Variants in GRK5 observed in about 807,000 individuals in gnomAD.
GRK5 encodes the protein g protein-coupled receptor kinase GRK5.
Under a neutral mutation model 78.4 loss-of-function variants are expected in GRK5, and 40 were observed. That is an observed-to-expected ratio of 0.51 (90% CI 0.40 to 0.66). The LOEUF (loss-of-function observed/expected upper bound fraction) is 0.66, where lower values mean the gene tolerates loss of function less well. Among genes scored for constraint, GRK5 ranks in the 30% least tolerant of loss-of-function variants. GRK5 has a pLI of 0.00. For missense variants in GRK5, 598 were observed against 759.9 expected (o/e 0.79, Z 2.50); for synonymous variants, 289 against 296.8 (o/e 0.97, Z 0.27).
intron 8 of GRK5, 94 bp from the exon 9 acceptor site, chr10:119,436,557 C>A: frequency 7.9e-7 from 1 of 1,260,254 alleles, no homozygotes. Flanking sequence ...CTCCTCTGTT[C>A]CCTCACACCC....
chr10:119,376,561 CTTTTT>C (rs3064490), intron 2 of GRK5, among the ~76,000 whole-genome samples: 5 of 104,362 alleles, frequency 4.8e-5, no homozygotes, highest in African/African-American at 1.9e-4. Context: ...TCCCTAATGC[CTTTTT>C]TTTTTTTTTT....
chr10:119,407,649 A>G (rs1241010940), intron 4 of GRK5, among the ~76,000 whole-genome samples: 1 of 152,228 alleles, frequency 6.6e-6, no homozygotes, highest in East Asian at 1.9e-4. Context: ...CTTCATGACT[A>G]TCCTATGTAG....
chr10:119,375,677 A>G (rs1851611521), intron 2 of GRK5, among the ~76,000 whole-genome samples: 1 of 152,238 alleles, frequency 6.6e-6, no homozygotes, highest in Non-Finnish European at 1.5e-5. Context: ...GTTCTGTCTG[A>G]GCGCAAGGCT....
In GRK5 at chr10:119,431,361, A is replaced by C. The variant is rs1310700425; in HGVS notation, c.598-26A>C. ...GGCAGGCCTCCACGGTGCTCCTGCCACCCTGGTTTCTTTCTTGCACTGCAG... is the reference window on the plus strand; with the variant it reads ...GGCAGGCCTCCACGGTGCTCCTGCCCCCCTGGTTTCTTTCTTGCACTGCAG... On this transcript the variant is annotated intron_variant, in intron 7 of 15. Transcript: ENST00000392870. This position sits in a 1 kb window ranked among gnomAD's most constrained non-coding sequence, Gnocchi z 4.8. 1 of 1,603,864 alleles carries C rather than the reference A, an allele frequency of 6.2e-7. No individual in the cohort carries two copies.
At position 119,325,986 on chromosome 10, in the gene GRK5, T is replaced by A. The variant is rs1003497146; in HGVS notation, c.53-530T>A. Among the ~76,000 whole-genome samples, 6 of 151,690 alleles carry A rather than the reference T, an allele frequency of 4.0e-5. No individual in the cohort carries two copies. The East Asian group carries it at 1.2e-3, about 29-fold the overall frequency. On this transcript the variant is annotated intron_variant, in intron 1 of 15. Transcript: ENST00000392870. ...CCTTCCAGCCTCGGAGACTCTGGGG[T>A]TTGTGAGGAGCAAGAAGAAGGCGGT...
chr10:119,454,663 T>C (rs377483253), intron 15 of GRK5, among the ~76,000 whole-genome samples: 1 of 152,306 alleles, frequency 6.6e-6, no homozygotes, highest in Admixed American at 6.5e-5. Flanking sequence ...CCAAGGCCAC[T>C]CTGCGAGGGA....
chr10:119,274,629 C>T (rs1849637956), intron 1 of GRK5, among the ~76,000 whole-genome samples: 1 of 152,204 alleles, frequency 6.6e-6, no homozygotes, highest in Non-Finnish European at 1.5e-5. Context: ...GGTGCAGGTG[C>T]AGGCTGGGTA....
chr10:119,389,289 T>C (rs1851848201), intron 3 of GRK5, among the ~76,000 whole-genome samples: 1 of 152,258 alleles, frequency 6.6e-6, no homozygotes, highest in Non-Finnish European at 1.5e-5. Flanking sequence ...AATGATCCAC[T>C]CTGCCTCACT....
At position 119,394,521 on chromosome 10, in the gene GRK5, GT is replaced by G. The variant is rs1270893670; in HGVS notation, c.262-2173del. Among the ~76,000 whole-genome samples, 21 of 7,238 alleles carry G rather than the reference GT, an allele frequency of 2.9e-3. 2 individuals carry two copies. Among genetic ancestry groups the G allele is most frequent in the South Asian group, 6.8e-3 (1 of 148 alleles). 4.7% of individuals were successfully genotyped at this position (7,238 alleles called of 152,430 possible). ...TGTCTGTGGGCACGTGTGTGTGGGT[GT>G]GTGTGGGTGTGTATCTGTGTGTGGG... is the stretch of plus-strand genomic sequence containing the variant. On this transcript the variant is annotated intron_variant, in intron 3 of 15. Coordinates refer to ENST00000392870, the MANE Select transcript of GRK5 (RefSeq NM_005308.3).
chr10:119,297,169 T>C (rs1016787327), intron 1 of GRK5, among the ~76,000 whole-genome samples: 3 of 151,994 alleles, frequency 2.0e-5, no homozygotes, highest in Admixed American at 2.0e-4. Context: ...TGCCATGGGG[T>C]TGGTTTGGAA....
rs58171371 is a variant in GRK5, at chr10:119,253,847, G to GGTGTGT, written c.52+45899_52+45904dup. The stretch of plus-strand genomic sequence containing the variant: ...GTTCCTGGTGGTTCTTTGCCCCAGG[G>GGTGTGT]GTGTGTGTGTGTGTGTGTGTGTGTG... On this transcript the variant is annotated intron_variant, in intron 1 of 15. Transcript: ENST00000392870. This position sits in a 1 kb window ranked among gnomAD's most constrained non-coding sequence, Gnocchi z 5.7. 3.3e-5 allele frequency among the ~76,000 whole-genome samples: 5 copies of GGTGTGT among 150,368 alleles called. No individual in the cohort carries two copies. Among genetic ancestry groups the GGTGTGT allele is most frequent in the African/African-American group, 1.2e-4 (5 of 40,936 alleles).
chr10:119,423,801 GCACACA>G (rs34038078), intron 5 of GRK5, among the ~76,000 whole-genome samples: 1 of 151,126 alleles, frequency 6.6e-6, no homozygotes, highest in African/African-American at 2.4e-5. Context: ...ACACACGCAA[GCACACA>G]CACACACACA....
intron 1 of GRK5, 131 bp from the exon 2 acceptor site, chr10:119,326,385 G>C (rs1850679689): frequency 2.9e-6 from 2 of 685,662 alleles, no homozygotes; most frequent in Admixed American, 2.1e-5. Flanking sequence ...CTTGGGCTGG[G>C]GGTGTGTCAC....
intron 4 of GRK5, among the ~76,000 whole-genome samples, chr10:119,407,107 A>G (rs1194922984): frequency 6.6e-6 from 1 of 152,204 alleles, no homozygotes; most frequent in African/African-American, 2.4e-5. Context: ...TCTGTGGTTG[A>G]CAAAGCTGGG....
At chr10:119,327,869 A>G (rs1850706223) in intron 2 of GRK5, among the ~76,000 whole-genome samples, 1 of 152,182 alleles carries the variant, frequency 6.6e-6, no homozygotes, top group South Asian at 2.1e-4. Flanking sequence ...CTAAAATCCC[A>G]GGCACATCAG....
At position 119,379,916 on chromosome 10, in the gene GRK5, TG is replaced by T. The variant is rs1414560031; in HGVS notation, c.149-896del. On this transcript the variant is annotated intron_variant, in intron 2 of 15. Coordinates refer to ENST00000392870, the MANE Select transcript of GRK5 (RefSeq NM_005308.3). This position sits in a 1 kb window ranked among gnomAD's most constrained non-coding sequence, Gnocchi z 4.1. ...AATTGTTGGCTAACACCATGGTCTC[TG>T]GGCCTCTTGGTGGGAGTCTTGCAGT... Among the ~76,000 whole-genome samples the T allele has an allele frequency of 1.3e-5, 2 of 152,078 alleles. No individual in the cohort carries two copies. The highest frequency in any genetic ancestry group is 2.9e-5 in the Non-Finnish European group (2 of 68,000).
chr10:119,332,188 C>T (rs142469956), intron 2 of GRK5, among the ~76,000 whole-genome samples: 152 of 151,032 alleles, frequency 1.0e-3, no homozygotes, highest in African/African-American at 3.6e-3. Flanking sequence ...TTCAGTGCAA[C>T]CTCTGCTTCC....
intron 1 of GRK5, among the ~76,000 whole-genome samples, chr10:119,272,156 C>T (rs1197233771): frequency 4.6e-5 from 7 of 152,206 alleles, no homozygotes; most frequent in South Asian, 2.1e-4. Context: ...CCGGCTGAAT[C>T]GCATGGTAGC....
intron 1 of GRK5, among the ~76,000 whole-genome samples, chr10:119,291,510 C>T (rs1459833777): frequency 7.6e-6 from 1 of 131,478 alleles, no homozygotes; most frequent in East Asian, 2.0e-4. Flanking sequence ...CTGCTGCTGC[C>T]TCCTCCTCCT....
Sources: allele counts gnomAD v4.1 joint callset (sites outside exome capture counted in the v4.1 genomes callset), GRCh38; gene constraint gnomAD v4.1.1; non-coding constraint Gnocchi (gnomAD v3.1); transcripts MANE v1.5; gene names NCBI Gene and HGNC (gene_info 2026-07-23, HGNC 2026-07-21).